The following EVC2 variants were observed in gnomAD, a reference collection of about 807,000 sequenced individuals.
The protein encoded by EVC2 is limbin.
Under a neutral mutation model 149.3 loss-of-function variants are expected in EVC2, and 148 were observed. The ratio of observed to expected loss-of-function variants is 0.99; its 90% CI spans 0.87 to 1.14. The LOEUF is 1.14. EVC2 is among the 50% of genes most tolerant of loss of function. EVC2 has a pLI of 0.00. For missense variants in EVC2, 1,854 were observed against 1,627.3 expected, an observed-to-expected ratio of 1.14 and a Z score of -2.40; for synonymous variants, 776 against 649.9, an observed-to-expected ratio of 1.19 and a Z score of -2.95.
chr4:5,674,838 G>A lies in EVC2; in HGVS notation c.870+6422C>T, dbSNP rs1268210605. Among the ~76,000 whole-genome samples, 3 of 152,194 alleles carry A rather than the reference G, an allele frequency of 2.0e-5. 1 individual carries two copies. The highest frequency in any genetic ancestry group is 4.4e-5 in the Non-Finnish European group (3 of 68,032). The stretch of plus-strand genomic sequence containing the variant: ...CCCAGCGTGGACAATGGGCTGGGTA[G>A]GGAGTAAAACTGGAGGCAGAAAGGA... On this transcript the variant is annotated intron_variant, in intron 7 of 21. Transcript: ENST00000344408.
intron 1 of EVC2, among the ~76,000 whole-genome samples, chr4:5,704,133 G>C (rs1360303393): frequency 6.6e-6 from 1 of 152,140 alleles, no homozygotes; most frequent in Admixed American, 6.5e-5. Context: ...GGGACACTCT[G>C]GCTGCTCTGT....
intron 21 of EVC2, among the ~76,000 whole-genome samples, chr4:5,550,582 A>C (rs1721718014): frequency 6.6e-6 from 1 of 152,178 alleles, no homozygotes; most frequent in Non-Finnish European, 1.5e-5. Flanking sequence ...AAGTTTGGAA[A>C]ATTTGCAGCC....
Position 5,625,841 on chromosome 4 carries a change from T to C in EVC2, c.1954A>G (p.Ile652Val), listed in dbSNP as rs144670544. 870 of 1,614,066 alleles carry C rather than the reference T, an allele frequency of 5.4e-4. 10 individuals are homozygous for C. In the African/African-American group the frequency reaches 0.011, roughly 20 times the overall value. ...LERAQTEVFS[I>V]KQKLDNDLKQ... The stretch of plus-strand genomic sequence containing the variant: ...AAGTCATTGTCCAACTTCTGCTTGA[T>C]TGAAAAGACTTCTGTCTGAGCCCGC... Residue 652 changes from isoleucine to valine, a missense_variant, in exon 13 of 22, where the codon ATC becomes GTC. By Grantham distance (29) the Ile-to-Val change is conservative (BLOSUM62 3). Coordinates refer to ENST00000344408, the MANE Select transcript of EVC2 (RefSeq NM_147127.5). This position sits in a 1 kb window ranked among gnomAD's most constrained non-coding sequence, Gnocchi z 4.0.
rs201001339 is a variant in EVC2 at position 5,640,849 on chromosome 4, C to A, written c.1146-11G>T. On this transcript the variant is annotated splice_polypyrimidine_tract_variant and intron_variant, in intron 9 of 21. Coordinates refer to ENST00000344408, the MANE Select transcript of EVC2 (RefSeq NM_147127.5). The surrounding 1 kb of genome is among the most constrained non-coding windows in gnomAD (Gnocchi z 4.6). The stretch of plus-strand genomic sequence containing the variant: ...GTTGCAATCTCCAACCTAGGAAACA[C>A]AAAAATCAAAAGAATTCCATTACAT... The A allele has an allele frequency of 1.9e-6, 3 of 1,614,028 alleles. No homozygotes were observed. In the South Asian group the frequency reaches 3.3e-5, roughly 18 times the overall value.
At chr4:5,706,317 G>C (rs377741384) in intron 1 of EVC2, among the ~76,000 whole-genome samples, 35 of 94,202 alleles carry the variant, frequency 3.7e-4, no homozygotes, top group African/African-American at 1.5e-3. Flanking sequence ...TAGATAGATA[G>C]ATACATAGAT....
chr4:5,707,819 G>A (rs753847727), intron 1 of EVC2, among the ~76,000 whole-genome samples: 2 of 152,102 alleles, frequency 1.3e-5, no homozygotes, highest in Non-Finnish European at 2.9e-5. Context: ...CATCAGCCAG[G>A]AGAGTTCAGT....
chr4:5,645,967 C>T (rs1022061263), intron 9 of EVC2, among the ~76,000 whole-genome samples: 2 of 152,164 alleles, frequency 1.3e-5, no homozygotes, highest in African/African-American at 4.8e-5. Flanking sequence ...CTCTTGTTGC[C>T]CAGGCTGGAT....
At position 5,650,369 on chromosome 4, in the gene EVC2, A is replaced by G. The variant is rs572263644; in HGVS notation, c.1146-9531T>C. On this transcript the variant is annotated intron_variant, in intron 9 of 21. Coordinates refer to ENST00000344408, the MANE Select transcript of EVC2 (RefSeq NM_147127.5). The stretch of plus-strand genomic sequence containing the variant: ...CCCTCTTTCACACATATCCTAATCA[A>G]CTTTTCCTGGGTGATATTTCATTAT... Among the ~76,000 whole-genome samples the G allele has an allele frequency of 1.8e-4, 27 of 151,796 alleles. No homozygotes were observed. In the South Asian group the frequency reaches 5.2e-3, roughly 29 times the overall value.
chr4:5,708,200 T>C, intron 1 of EVC2, 86 bp downstream of exon 1: 1 of 1,209,972 alleles, frequency 8.3e-7, no homozygotes, highest in East Asian at 3.0e-5. Context: ...CTTTGCGAAA[T>C]ACTAAGGGTC....
intron 7 of EVC2, among the ~76,000 whole-genome samples, chr4:5,673,066 T>C (rs1719754241): frequency 6.6e-6 from 1 of 152,158 alleles, no homozygotes; most frequent in Admixed American, 6.5e-5. Context: ...AAGCAGACAG[T>C]GGTGATGGCT....
chr4:5,648,011 A>T (rs59092055), intron 9 of EVC2, among the ~76,000 whole-genome samples: 3 of 152,092 alleles, frequency 2.0e-5, no homozygotes, highest in African/African-American at 7.2e-5. Flanking sequence ...ACGTCCCCTA[A>T]AGCTGACGTC....
chr4:5,662,966 C>T (rs1718998398), intron 9 of EVC2, 141 bp downstream of exon 9: 15 of 1,106,356 alleles, frequency 1.4e-5, no homozygotes, highest in Admixed American at 5.7e-5. Flanking sequence ...ACATTCAGTG[C>T]ATAGCAGTTG....
chr4:5,643,886 C>A (rs1193793851), intron 9 of EVC2, among the ~76,000 whole-genome samples: 1 of 152,160 alleles, frequency 6.6e-6, no homozygotes, highest in African/African-American at 2.4e-5. Context: ...TAGGGCGAGA[C>A]TGTCTCAAAA....
rs769781725 is a variant in EVC2, at chr4:5,708,405, G to A, written c.109C>T (p.Pro37Ser). The change falls in exon 1 of 22, where the codon CCC becomes TCC. Residue 37 changes from proline to serine, a missense_variant. Transcript: ENST00000344408. ...TGCGCGCCGAGGGGGCGCCAGCGGG[G>A]ACGTGAGCTGGCGCCGAGACAGCCT... ...GRGCLGASSR[P>S]RWRPLGAQPP... The A allele has an allele frequency of 2.9e-5, 44 of 1,501,882 alleles. No individual in the cohort carries two copies. The South Asian group carries it at 4.7e-4, about 16-fold the overall frequency. The allele number at this position is 1,501,882 out of a possible 1,614,324, so 93.0% of individuals were successfully genotyped here. A position where few individuals can be genotyped will look rare whatever the true frequency, so the allele number is the denominator to read the frequency against.
chr4:5,541,571 G>A (rs915628484), downstream of EVC2, among the ~76,000 whole-genome samples: 2 of 152,154 alleles, frequency 1.3e-5, no homozygotes, highest in Non-Finnish European at 2.9e-5. Context: ...ATGCAGGAAG[G>A]ACTTCACATC....
intron 16 of EVC2, among the ~76,000 whole-genome samples, chr4:5,609,871 T>C (rs965117389): frequency 3.9e-5 from 6 of 152,206 alleles, no homozygotes; most frequent in Admixed American, 6.5e-5. Flanking sequence ...TAAAGGAACC[T>C]GGGCGAAGTC....
At chr4:5,672,184 G>A (rs1222301671) in intron 7 of EVC2, among the ~76,000 whole-genome samples, 1 of 152,186 alleles carries the variant, frequency 6.6e-6, no homozygotes, top group African/African-American at 2.4e-5. Flanking sequence ...ACAGGATAAG[G>A]CTTTCCAAGA....
At chr4:5,674,279 A>G (rs1484802071) in intron 7 of EVC2, among the ~76,000 whole-genome samples, 1 of 152,142 alleles carries the variant, frequency 6.6e-6, no homozygotes, top group Admixed American at 6.5e-5. Flanking sequence ...TAATTTCCCA[A>G]TCTAGCAAAT....
intron 1 of EVC2, among the ~76,000 whole-genome samples, chr4:5,707,891 C>T (rs556828082): frequency 6.6e-6 from 1 of 152,118 alleles, no homozygotes. Flanking sequence ...CCAGTGCTGG[C>T]CTCTGCAAGG....
Sources: gnomAD v4.1 joint callset for allele counts (sites outside exome capture counted in the v4.1 genomes callset) on GRCh38, gnomAD v4.1.1 for gene constraint, Gnocchi (gnomAD v3.1) non-coding constraint, MANE v1.5 for transcripts, NCBI Gene and HGNC (gene_info 2026-07-23, HGNC 2026-07-21) for gene names.